TUSC3: variants seen among roughly 807,000 people sequenced by gnomAD.
TUSC3 encodes the protein tumor suppressor candidate 3.
TUSC3 carries 45 observed loss-of-function variants against 44.8 expected under a neutral mutation model. The observed-to-expected ratio is 1.00, with a 90% CI of 0.79 to 1.29. The LOEUF (loss-of-function observed/expected upper bound fraction) is 1.29. Among genes scored for constraint, TUSC3 ranks in the 50% most tolerant of loss-of-function variants. TUSC3 has a pLI of 0.00. For missense variants in TUSC3, 519 were observed against 437.9 expected (o/e 1.19, Z -1.65); for synonymous variants, 212 against 152.9 (o/e 1.39, Z -2.85).
intron 6 of TUSC3, among the ~76,000 whole-genome samples, chr8:15,688,430 C>CTTTTTTTTTTTTT (rs11383982): frequency 7.1e-6 from 1 of 141,304 alleles, no homozygotes. Flanking sequence ...CTTCAGTATT[C>CTTTTTTTTTTTTT]TTTTTTTTTT....
At chr8:15,805,976 A>G in the TUSC3 span, among the ~76,000 whole-genome samples, 1 of 152,202 alleles carries the variant, frequency 6.6e-6, no homozygotes, top group East Asian at 1.9e-4. Context: ...ACAAAAACAA[A>G]AAATCAGTTA....
intron 1 of TUSC3, among the ~76,000 whole-genome samples, chr8:15,581,433 C>T (rs1185770268): frequency 6.7e-6 from 1 of 149,084 alleles, no homozygotes; most frequent in Admixed American, 6.7e-5. Flanking sequence ...TCTGTTTTTT[C>T]CCCATCTTTG....
Position 15,540,402 on chromosome 8 carries a change from G to C in TUSC3, c.-29G>C. The C allele has an allele frequency of 6.5e-7, 1 of 1,540,864 alleles. No homozygotes were observed. Among genetic ancestry groups the C allele is most frequent in the Admixed American group, 2.0e-5 (1 of 50,786 alleles). ...TAGGAGCTGGGCGCGCACGGCTACCGCGCGTGGAGGAGACACTGCCCTGCC... is the reference window on the plus strand; with the variant it reads ...TAGGAGCTGGGCGCGCACGGCTACCCCGCGTGGAGGAGACACTGCCCTGCC... On this transcript the variant is annotated 5_prime_UTR_variant, in exon 1 of 11. Coordinates refer to ENST00000503731, the MANE Select transcript of TUSC3 (RefSeq NM_006765.4).
At chr8:15,730,836 A>C (rs925992929) in intron 7 of TUSC3, 107 bp downstream of exon 7, 2 of 1,074,264 alleles carry the variant, frequency 1.9e-6, no homozygotes, top group African/African-American at 3.2e-5. Context: ...AGAGACATTA[A>C]ATTTTAGGCT....
chr8:15,594,465 C>A (rs1340038507), intron 1 of TUSC3, among the ~76,000 whole-genome samples: 1 of 152,168 alleles, frequency 6.6e-6, no homozygotes, highest in African/African-American at 2.4e-5. Flanking sequence ...AGGCATTGTG[C>A]ATTTTGTTGG....
At chr8:15,492,883 TTATC>T (rs1347225379) in intron 2 of TUSC3, among the ~76,000 whole-genome samples, 2 of 152,174 alleles carry the variant, frequency 1.3e-5, no homozygotes, top group Non-Finnish European at 2.9e-5. Context: ...AGGTAGTTGA[TTATC>T]TAGTGATAAT....
chr8:15,571,854 T>C (rs1182462379), intron 1 of TUSC3, among the ~76,000 whole-genome samples: 4 of 152,118 alleles, frequency 2.6e-5, no homozygotes, highest in Non-Finnish European at 5.9e-5. Context: ...CTGTAATATA[T>C]TGAGAGGAAT....
chr8:15,600,325 T>C (rs1199476950), intron 1 of TUSC3, among the ~76,000 whole-genome samples: 12 of 151,710 alleles, frequency 7.9e-5, no homozygotes, highest in Admixed American at 7.9e-4. Context: ...AAATGTTGAA[T>C]ACTGAATTAG....
At chr8:15,811,087 T>G in the TUSC3 span, among the ~76,000 whole-genome samples, 1 of 152,208 alleles carries the variant, frequency 6.6e-6, no homozygotes, top group South Asian at 2.1e-4. Context: ...GAAAATCATT[T>G]AGGAGACAAG....
chr8:15,639,753 A>G (rs1270200707), intron 2 of TUSC3, among the ~76,000 whole-genome samples: 2 of 149,530 alleles, frequency 1.3e-5, no homozygotes, highest in Non-Finnish European at 3.0e-5. Flanking sequence ...CTTAGTCCTC[A>G]AATAATTTCT....
chr8:15,634,115 T>A (rs771241195), intron 2 of TUSC3, among the ~76,000 whole-genome samples: 2 of 152,208 alleles, frequency 1.3e-5, no homozygotes, highest in African/African-American at 4.8e-5. Context: ...TAATGTGGTA[T>A]TGGAGCAAAG....
intron 1 of TUSC3, among the ~76,000 whole-genome samples, chr8:15,456,385 G>A (rs1800256890): frequency 6.6e-6 from 1 of 151,972 alleles, no homozygotes; most frequent in Non-Finnish European, 1.5e-5. Context: ...AAAAATAAAA[G>A]CAAATTAAAT....
In TUSC3 at chr8:15,724,837, A is replaced by G. The variant is rs184847334; in HGVS notation, c.799-5829A>G. 3.7e-3 allele frequency among the ~76,000 whole-genome samples: 566 copies of G among 152,316 alleles called. 1 individual carries two copies. Among genetic ancestry groups the G allele is most frequent in the Middle Eastern group, 6.8e-3 (2 of 294 alleles). ...ACTGATTTGCATAAAACTGCATGAC[A>G]AAATTGGACTGAAAGAATTCATATA... On this transcript the variant is annotated intron_variant, in intron 6 of 10. Transcript: ENST00000503731.
chr8:15,849,819 A>T, the TUSC3 span, among the ~76,000 whole-genome samples: 102,652 of 151,734 alleles, frequency 0.68, 35,362 homozygotes, highest in Non-Finnish European at 0.75. Context: ...CAAAAAAAAA[A>T]AGCAAAGCAT....
At chr8:15,700,644 AT>A (rs911885191) in intron 6 of TUSC3, among the ~76,000 whole-genome samples, 18 of 152,088 alleles carry the variant, frequency 1.2e-4, no homozygotes, top group African/African-American at 4.3e-4. Context: ...TTGTTACTAG[AT>A]TATGAGGGAC....
In TUSC3 at chr8:15,599,701, GTT is replaced by G. The variant is rs143634299; in HGVS notation, c.139-23365_139-23364del. 4.0e-3 allele frequency among the ~76,000 whole-genome samples: 537 copies of G among 134,006 alleles called. 4 individuals are homozygous for G. The highest frequency in any genetic ancestry group is 0.039 in the East Asian group (181 of 4,622). 87.9% of individuals were successfully genotyped at this position (134,006 alleles called of 152,430 possible). A position where few individuals can be genotyped will look rare whatever the true frequency, so the allele number is the denominator to read the frequency against. Reference sequence around the variant, plus strand: ...TCTTTGCTCCGTTATATTGCTTGTGGTTTTTTTTTTTTTTTGTCAAAGATCAG... The same window carrying G: ...TCTTTGCTCCGTTATATTGCTTGTGGTTTTTTTTTTTTTGTCAAAGATCAG... On this transcript the variant is annotated intron_variant, in intron 1 of 10. Transcript: ENST00000503731.
At chr8:15,850,838 G>A in the TUSC3 span, among the ~76,000 whole-genome samples, 3,130 of 152,254 alleles carry the variant, frequency 0.021, 118 homozygotes, top group African/African-American at 0.071. Context: ...ATCTTTGGAA[G>A]CAGATCACTT....
intron 1 of TUSC3, among the ~76,000 whole-genome samples, chr8:15,594,409 T>C (rs143412381): frequency 2.0e-5 from 3 of 152,300 alleles, no homozygotes; most frequent in African/African-American, 4.8e-5. Context: ...TCATGGAATG[T>C]ATTTTCCTGC....
intron 2 of TUSC3, among the ~76,000 whole-genome samples, chr8:15,507,694 C>T (rs1431136606): frequency 6.6e-6 from 1 of 151,976 alleles, no homozygotes; most frequent in Non-Finnish European, 1.5e-5. Context: ...GTTATGAGCA[C>T]TAAGTATTGA....
Sources: gnomAD v4.1 joint callset for allele counts (sites outside exome capture counted in the v4.1 genomes callset) on GRCh38, gnomAD v4.1.1 for gene constraint, MANE v1.5 for transcripts, NCBI Gene and HGNC (gene_info 2026-07-23, HGNC 2026-07-21) for gene names.